Variants in SYT1 observed in about 807,000 individuals in gnomAD.
SYT1 encodes the protein synaptotagmin 1.
SYT1 carries 8 observed loss-of-function variants against 44.8 expected under a neutral mutation model. The observed-to-expected ratio is 0.18, with a 90% confidence interval of 0.10 to 0.32. The LOEUF (loss-of-function observed/expected upper bound fraction) is 0.32. SYT1 is among the 10% of genes least tolerant of loss of function. The pLI, the probability that SYT1 is intolerant of heterozygous loss-of-function variation, is 1.00. For synonymous variants in SYT1, 154 were observed against 188.8 expected, an observed-to-expected ratio of 0.82 and a Z score of 1.51; for missense variants, 286 against 509.3, an observed-to-expected ratio of 0.56 and a Z score of 4.22.
intron 2 of SYT1, among the ~76,000 whole-genome samples, chr12:79,003,457 C>T (rs759885484): frequency 1.2e-3 from 188 of 151,938 alleles, no homozygotes; most frequent in Non-Finnish European, 9.4e-4. Context: ...CCCACAGTGG[C>T]GGAGTTGTAG....
chr12:78,969,732 G>GT (rs1592616354), intron 1 of SYT1, among the ~76,000 whole-genome samples: 1 of 152,168 alleles, frequency 6.6e-6, no homozygotes, highest in Non-Finnish European at 1.5e-5. Context: ...CATTATAAAC[G>GT]TAAGTTATCA....
At chr12:79,126,025 C>G (rs1332267724) in intron 3 of SYT1, among the ~76,000 whole-genome samples, 3 of 152,168 alleles carry the variant, frequency 2.0e-5, no homozygotes, top group Non-Finnish European at 2.9e-5. Context: ...CTTTGCTTCA[C>G]TACTGTATGT....
At chr12:79,090,679 C>A (rs968456143) in intron 3 of SYT1, among the ~76,000 whole-genome samples, 1 of 151,918 alleles carries the variant, frequency 6.6e-6, no homozygotes, top group Non-Finnish European at 1.5e-5. Flanking sequence ...CATGCACGTG[C>A]ACAGGGAGCT....
At chr12:78,917,673 A>T (rs1363091549) in intron 1 of SYT1, among the ~76,000 whole-genome samples, 1 of 151,928 alleles carries the variant, frequency 6.6e-6, no homozygotes, top group African/African-American at 2.4e-5. Context: ...ATTTCCGTTA[A>T]CACCCCTTGC....
intron 3 of SYT1, among the ~76,000 whole-genome samples, chr12:79,197,346 C>A (rs1873521204): frequency 6.6e-6 from 1 of 152,040 alleles, no homozygotes; most frequent in South Asian, 2.1e-4. Flanking sequence ...AGATTTAGAG[C>A]TTTTGTTGCG....
chr12:79,374,078 C>T (rs1007099622), intron 9 of SYT1, among the ~76,000 whole-genome samples: 22 of 152,328 alleles, frequency 1.4e-4, no homozygotes, highest in South Asian at 4.1e-4. Flanking sequence ...CCCCACCCCA[C>T]GGTGGCGCTT....
At chr12:78,966,890 G>A (rs1868261651) in intron 1 of SYT1, among the ~76,000 whole-genome samples, 1 of 152,092 alleles carries the variant, frequency 6.6e-6, no homozygotes, top group Non-Finnish European at 1.5e-5. Context: ...AATATATGCT[G>A]CTAAACTCTC....
intron 2 of SYT1, among the ~76,000 whole-genome samples, chr12:79,007,103 C>A (rs893508100): frequency 1.3e-5 from 2 of 152,120 alleles, no homozygotes; most frequent in African/African-American, 4.8e-5. Flanking sequence ...AAGGGCCACT[C>A]CTGCTGCTGA....
chr12:78,895,063 A>G (rs1469291324), intron 1 of SYT1, among the ~76,000 whole-genome samples: 1 of 151,658 alleles, frequency 6.6e-6, no homozygotes, highest in African/African-American at 2.4e-5. Context: ...TAGATAAGCT[A>G]AAATTAAAAA....
At chr12:79,364,578 A>G (rs1014683797) in intron 9 of SYT1, among the ~76,000 whole-genome samples, 2 of 152,202 alleles carry the variant, frequency 1.3e-5, no homozygotes, top group Admixed American at 6.5e-5. Flanking sequence ...GAGGCTTCCT[A>G]TAATTTTTTC....
intron 9 of SYT1, among the ~76,000 whole-genome samples, chr12:79,407,840 A>G (rs920804079): frequency 1.2e-4 from 19 of 152,126 alleles, no homozygotes; most frequent in African/African-American, 4.6e-4. Context: ...CTCACAGGAG[A>G]AGGACATTGC....
intron 8 of SYT1, among the ~76,000 whole-genome samples, chr12:79,337,483 C>T (rs1351766727): frequency 6.6e-6 from 1 of 152,116 alleles, no homozygotes; most frequent in East Asian, 1.9e-4. Flanking sequence ...CCATGATGTC[C>T]TCTCAAGTTA....
chr12:78,894,325 A>G (rs967002165), intron 1 of SYT1, among the ~76,000 whole-genome samples: 1 of 31,386 alleles, frequency 3.2e-5, no homozygotes, highest in African/African-American at 9.9e-5. Flanking sequence ...TGTGTTTTTT[A>G]ATCTGTTTTT....
At chr12:78,867,441 T>C (rs1259503879) in intron 1 of SYT1, among the ~76,000 whole-genome samples, 2 of 152,060 alleles carry the variant, frequency 1.3e-5, no homozygotes, top group African/African-American at 4.8e-5. Flanking sequence ...TTCCAATATA[T>C]AGTGAGTGGA....
At chr12:79,300,718 T>C (rs981060769) in intron 8 of SYT1, among the ~76,000 whole-genome samples, 1 of 149,946 alleles carries the variant, frequency 6.7e-6, no homozygotes, top group East Asian at 2.0e-4. Context: ...GAAAAAAGTA[T>C]GTATACTTAT....
intron 2 of SYT1, among the ~76,000 whole-genome samples, chr12:78,984,280 C>T (rs1869489363): frequency 6.6e-6 from 1 of 151,878 alleles, no homozygotes; most frequent in South Asian, 2.1e-4. Context: ...ATTCAGAGCA[C>T]CCTAGCAACA....
In SYT1 at chr12:79,002,855, T is replaced by C. The variant is rs181646322; in HGVS notation, c.-84+24924T>C. On this transcript the variant is annotated intron_variant, in intron 2 of 10. Transcript: ENST00000261205. ...TTTATGAGATTTAAAGTTTTAAAAA[T>C]ATGTGTTATATTAAGATCAGTATGT... 1.7e-4 allele frequency among the ~76,000 whole-genome samples: 26 copies of C among 152,174 alleles called. No individual in the cohort carries two copies. In the Middle Eastern group the frequency reaches 0.014, roughly 80 times the overall value.
chr12:79,419,257 A>G lies in SYT1; in HGVS notation c.929-24816A>G, dbSNP rs773990303. ...TAAGTTGAGAAAAAATGTGAGGTGT[A>G]GAAAGAAGGAAATTGAATTCATTTA... On this transcript the variant is annotated intron_variant, in intron 9 of 10. Coordinates refer to ENST00000261205, the MANE Select transcript of SYT1 (RefSeq NM_005639.3). 3 of 526,538 alleles carry G rather than the reference A, an allele frequency of 5.7e-6. No individual in the cohort carries two copies. The African/African-American group carries it at 5.8e-5, about 10-fold the overall frequency. 32.6% of individuals were successfully genotyped at this position (526,538 alleles called of 1,614,324 possible).
chr12:79,095,984 G>A (rs918976859), intron 3 of SYT1, among the ~76,000 whole-genome samples: 1 of 151,916 alleles, frequency 6.6e-6, no homozygotes, highest in African/African-American at 2.4e-5. Context: ...GTACAGGAAG[G>A]ATAGAGTCTT....
Sources: allele counts gnomAD v4.1 joint callset (sites outside exome capture counted in the v4.1 genomes callset), GRCh38; gene constraint gnomAD v4.1.1; transcripts MANE v1.5; gene names NCBI Gene and HGNC (gene_info 2026-07-23, HGNC 2026-07-21).